SNTG1: variants seen among roughly 807,000 people sequenced by gnomAD.
SNTG1 encodes syntrophin gamma 1.
A neutral mutation model predicts 74.7 loss-of-function variants in SNTG1; 39 were observed. The ratio of observed to expected loss-of-function variants is 0.52; its 90% confidence interval spans 0.40 to 0.68. SNTG1 has a LOEUF of 0.68. Among genes scored for constraint, SNTG1 ranks in the 30% least tolerant of loss-of-function variants. The probability of loss-of-function intolerance (pLI) is 0.00; values close to 1 mark genes in which losing one functional copy is unlikely to be tolerated. For synonymous variants in SNTG1, 254 were observed against 217.1 expected (o/e 1.17, Z -1.49); for missense variants, 685 against 609.5 (o/e 1.12, Z -1.30).
At chr8:49,965,980 C>T (rs946504434) in intron 1 of SNTG1, among the ~76,000 whole-genome samples, 1 of 152,158 alleles carries the variant, frequency 6.6e-6, no homozygotes, top group Non-Finnish European at 1.5e-5. Flanking sequence ...TATGCCTCCC[C>T]TTCATCTACC....
At position 50,242,349 on chromosome 8, in the gene SNTG1, C is replaced by T. The variant is rs559247115; in HGVS notation, c.-28+69714C>T. Among the ~76,000 whole-genome samples, 297 of 151,520 alleles carry T rather than the reference C, an allele frequency of 2.0e-3. 3 individuals carry two copies. Among genetic ancestry groups the T allele is most frequent in the Admixed American group, 4.0e-3 (61 of 15,200 alleles). ...TTCAAGATCAGCCTGGTCAACATGG[C>T]GAAACCCCATCTCTACTAACATAGA... is the stretch of plus-strand genomic sequence containing the variant. On this transcript the variant is annotated intron_variant, in intron 2 of 18. Coordinates refer to ENST00000642720, the MANE Select transcript of SNTG1 (RefSeq NM_018967.5).
chr8:49,944,139 G>A (rs1330199368), intron 1 of SNTG1, among the ~76,000 whole-genome samples: 1 of 152,120 alleles, frequency 6.6e-6, no homozygotes, highest in Non-Finnish European at 1.5e-5. Context: ...TGATTCTGGT[G>A]TGATAGGATC....
At chr8:50,205,245 T>G (rs973247385) in intron 2 of SNTG1, among the ~76,000 whole-genome samples, 11 of 152,186 alleles carry the variant, frequency 7.2e-5, no homozygotes, top group African/African-American at 2.7e-4. Flanking sequence ...TTTCCTGACT[T>G]TTTAATGATC....
At chr8:50,667,607 G>A (rs1010078086) in intron 15 of SNTG1, among the ~76,000 whole-genome samples, 8 of 151,804 alleles carry the variant, frequency 5.3e-5, no homozygotes, top group Non-Finnish European at 1.2e-4. Context: ...ATTCTAATTG[G>A]CTCCCCAAGT....
intron 2 of SNTG1, among the ~76,000 whole-genome samples, chr8:50,261,012 C>G (rs1043934755): frequency 5.3e-5 from 8 of 152,074 alleles, no homozygotes; most frequent in African/African-American, 1.9e-4. Flanking sequence ...AACTCTTTTA[C>G]AAGATTAATT....
chr8:50,507,464 G>A (rs1016689549), intron 9 of SNTG1, among the ~76,000 whole-genome samples: 43 of 152,010 alleles, frequency 2.8e-4, no homozygotes, highest in Admixed American at 1.1e-3. Flanking sequence ...TGGGCCCTTC[G>A]TATTTTGTGA....
At chr8:50,665,436 G>A (rs1031680500) in intron 15 of SNTG1, among the ~76,000 whole-genome samples, 2 of 151,924 alleles carry the variant, frequency 1.3e-5, no homozygotes, top group African/African-American at 2.4e-5. Flanking sequence ...GTGCATGCAT[G>A]TATATGTATG....
intron 13 of SNTG1, among the ~76,000 whole-genome samples, chr8:50,625,606 C>T (rs988667090): frequency 2.0e-5 from 3 of 152,138 alleles, no homozygotes; most frequent in African/African-American, 7.2e-5. Context: ...CATAGATTAT[C>T]ATAGATAATC....
chr8:50,038,400 T>G (rs1268147802), intron 1 of SNTG1, among the ~76,000 whole-genome samples: 1 of 152,120 alleles, frequency 6.6e-6, no homozygotes, highest in Admixed American at 6.6e-5. Flanking sequence ...CCAGTGGAAA[T>G]TATGACTGAG....
intron 15 of SNTG1, among the ~76,000 whole-genome samples, chr8:50,701,529 T>A (rs1292425955): frequency 2.0e-5 from 3 of 151,710 alleles, no homozygotes; most frequent in Middle Eastern, 3.4e-3. Flanking sequence ...AAAATTTACT[T>A]CCTAGAGAAC....
intron 6 of SNTG1, 134 bp from the exon 7 acceptor site, chr8:50,450,422 A>C (rs1193633518): frequency 2.2e-5 from 19 of 859,366 alleles, no homozygotes; most frequent in Non-Finnish European, 1.8e-5. Context: ...TTTTTTGTGG[A>C]TCTTTTAAGA....
At chr8:49,946,382 G>A (rs1159471228) in intron 1 of SNTG1, among the ~76,000 whole-genome samples, 1 of 152,130 alleles carries the variant, frequency 6.6e-6, no homozygotes, top group Non-Finnish European at 1.5e-5. Context: ...ATGAGACCGT[G>A]AATAAAATCT....
At chr8:50,455,265 C>A (rs2093494409) in intron 8 of SNTG1, among the ~76,000 whole-genome samples, 1 of 152,140 alleles carries the variant, frequency 6.6e-6, no homozygotes, top group Non-Finnish European at 1.5e-5. Flanking sequence ...AAGATGGATG[C>A]ATAGCTGATT....
intron 2 of SNTG1, among the ~76,000 whole-genome samples, chr8:50,228,233 G>A (rs573841868): frequency 9.2e-5 from 14 of 151,720 alleles, no homozygotes; most frequent in African/African-American, 1.9e-4. Context: ...AAAATATTAC[G>A]AAACTAAAAT....
At chr8:50,349,527 A>C (rs2091582501) in intron 2 of SNTG1, among the ~76,000 whole-genome samples, 1 of 152,020 alleles carries the variant, frequency 6.6e-6, no homozygotes, top group Admixed American at 6.5e-5. Flanking sequence ...CCTGTTTGGC[A>C]GAGTTTCTCA....
At chr8:50,253,453 G>A (rs12679356) in intron 2 of SNTG1, among the ~76,000 whole-genome samples, 85,815 of 149,712 alleles carry the variant, frequency 0.57, 27,962 homozygotes, top group East Asian at 0.84. Flanking sequence ...TAAAAATAAA[G>A]GTAGAGCTAC....
At chr8:50,569,562 T>G (rs1162717077) in intron 12 of SNTG1, among the ~76,000 whole-genome samples, 2 of 151,892 alleles carry the variant, frequency 1.3e-5, no homozygotes, top group African/African-American at 4.8e-5. Flanking sequence ...AAAAAAACCT[T>G]CTATTCTGTC....
intron 8 of SNTG1, among the ~76,000 whole-genome samples, chr8:50,459,055 G>A (rs1319788658): frequency 1.3e-5 from 2 of 152,076 alleles, no homozygotes; most frequent in African/African-American, 4.8e-5. Context: ...TTTAACTCTT[G>A]TATTTATGTC....
At chr8:50,211,797 CATTTGACAGT>C (rs1326727150) in intron 2 of SNTG1, among the ~76,000 whole-genome samples, 2 of 152,058 alleles carry the variant, frequency 1.3e-5, no homozygotes, top group African/African-American at 4.8e-5. Flanking sequence ...AGAAGGTTTA[CATTTGACAGT>C]ATCTGACACT....
Sources: allele counts gnomAD v4.1 joint callset (sites outside exome capture counted in the v4.1 genomes callset), GRCh38; gene constraint gnomAD v4.1.1; transcripts MANE v1.5; gene names NCBI Gene and HGNC (gene_info 2026-07-23, HGNC 2026-07-21).